PPP1R3A: variants seen among roughly 807,000 people sequenced by gnomAD.
PPP1R3A encodes the protein RG1.
In PPP1R3A, 29 loss-of-function variants were observed where a neutral mutation model predicts 41.7. The ratio of observed to expected loss-of-function variants is 0.70; its 90% CI spans 0.52 to 0.95. The LOEUF is 0.95. Ranked by LOEUF, PPP1R3A falls within the 40% of genes least tolerant of loss-of-function variation. The probability of loss-of-function intolerance (pLI) is 0.00; values close to 1 mark genes in which losing one functional copy is unlikely to be tolerated. For synonymous variants in PPP1R3A, 485 were observed against 453.4 expected, an observed-to-expected ratio of 1.07 and a Z score of -0.89; for missense variants, 1,352 against 1,292.4, an observed-to-expected ratio of 1.05 and a Z score of -0.71.
chr7:113,901,189 G>A (rs1293741820), intron 1 of PPP1R3A, among the ~76,000 whole-genome samples: 2 of 151,662 alleles, frequency 1.3e-5, no homozygotes, highest in African/African-American at 4.8e-5. Context: ...CCCTCACTGT[G>A]GGTAGTGACT....
At chr7:113,897,000 C>G (rs1023479097) in intron 1 of PPP1R3A, among the ~76,000 whole-genome samples, 1 of 151,804 alleles carries the variant, frequency 6.6e-6, no homozygotes, top group African/African-American at 2.4e-5. Context: ...TTTTTTGAAG[C>G]CTATTCACAT....
chr7:113,913,473 A>G (rs1185641425), intron 1 of PPP1R3A, among the ~76,000 whole-genome samples: 1 of 152,086 alleles, frequency 6.6e-6, no homozygotes, highest in East Asian at 1.9e-4. Flanking sequence ...TTTTTCCTAC[A>G]GTACAAAAAT....
chr7:113,911,167 T>A (rs1334086542), intron 1 of PPP1R3A, among the ~76,000 whole-genome samples: 1 of 152,102 alleles, frequency 6.6e-6, no homozygotes, highest in Non-Finnish European at 1.5e-5. Context: ...CAGTTAAATT[T>A]AGCAAATTCC....
At chr7:113,912,661 G>A (rs1194669472) in intron 1 of PPP1R3A, among the ~76,000 whole-genome samples, 1 of 152,052 alleles carries the variant, frequency 6.6e-6, no homozygotes, top group Non-Finnish European at 1.5e-5. Flanking sequence ...GAAAAACTAA[G>A]TTGACCCACT....
At chr7:113,880,625 G>C (rs1277444458) in intron 3 of PPP1R3A, among the ~76,000 whole-genome samples, 4 of 151,758 alleles carry the variant, frequency 2.6e-5, no homozygotes, top group Non-Finnish European at 5.9e-5. Context: ...TGCAAATTCT[G>C]TTTTAATGAC....
intron 1 of PPP1R3A, among the ~76,000 whole-genome samples, chr7:113,887,815 G>A (rs1180601220): frequency 6.6e-6 from 1 of 152,080 alleles, no homozygotes; most frequent in Non-Finnish European, 1.5e-5. Context: ...TGGATCATGA[G>A]GTCAGGAGTT....
chr7:113,885,463 T>C (rs749356496), intron 1 of PPP1R3A, among the ~76,000 whole-genome samples: 1 of 152,096 alleles, frequency 6.6e-6, no homozygotes, highest in Non-Finnish European at 1.5e-5. Context: ...GACCACTACT[T>C]CCATTCCCAG....
chr7:113,894,555 T>A (rs1796947882), intron 1 of PPP1R3A, among the ~76,000 whole-genome samples: 1 of 151,952 alleles, frequency 6.6e-6, no homozygotes, highest in Non-Finnish European at 1.5e-5. Flanking sequence ...CACAATTTCC[T>A]CACAACGTAA....
In PPP1R3A at chr7:113,878,705, ATT is replaced by A. The variant is rs1185466850; in HGVS notation, c.2385_2386del (p.Ile796LeufsTer2). The A allele has an allele frequency of 1.9e-6, 3 of 1,613,396 alleles. No individual in the cohort carries two copies. Among genetic ancestry groups the A allele is most frequent in the Non-Finnish European group, 2.5e-6 (3 of 1,179,688 alleles). ...TTCCTTTTCAAAATCATTGTCATAGATTACACCTACTGTATCTCGTTGACAAA... is the reference window on the plus strand; with the variant it reads ...TTCCTTTTCAAAATCATTGTCATAGAACACCTACTGTATCTCGTTGACAAA... On this transcript the variant is annotated frameshift_variant, in exon 4 of 4. Coordinates refer to ENST00000284601, the MANE Select transcript of PPP1R3A (RefSeq NM_002711.4). LOFTEE classifies it low-confidence loss of function (END_TRUNC).
At chr7:113,917,810 T>C (rs1228004601) in intron 1 of PPP1R3A, among the ~76,000 whole-genome samples, 1 of 152,122 alleles carries the variant, frequency 6.6e-6, no homozygotes, top group Non-Finnish European at 1.5e-5. Flanking sequence ...TATTGAAATA[T>C]AGTTTTATGT....
intron 1 of PPP1R3A, among the ~76,000 whole-genome samples, chr7:113,908,601 G>A (rs534443819): frequency 6.6e-6 from 1 of 151,906 alleles, no homozygotes; most frequent in East Asian, 1.9e-4. Flanking sequence ...TAAAACAAAA[G>A]GATACAATGT....
chr7:113,880,167 C>A (rs756892702), intron 3 of PPP1R3A, 42 bp from the exon 4 acceptor site: 2 of 1,509,646 alleles, frequency 1.3e-6, no homozygotes, highest in African/African-American at 2.8e-5. Flanking sequence ...ACCATAAGAT[C>A]TTTTAAAATA....
rs373483153 is a variant in PPP1R3A at position 113,878,313 on chromosome 7, T to C, written c.2779A>G (p.Thr927Ala). Reference protein sequence around the residue: ...SKHHTEISVSTNEQAIAVENA... With the variant: ...SKHHTEISVSANEQAIAVENA... ...TCTACAGCAATTGCCTGCTCATTAGTTGACACTGAAATTTCAGTATGATGT... is the reference window on the plus strand; with the variant it reads ...TCTACAGCAATTGCCTGCTCATTAGCTGACACTGAAATTTCAGTATGATGT... Residue 927 changes from threonine (T) to alanine (A), a missense_variant, in exon 4 of 4, where the codon ACT becomes GCT. Thr to Ala is a moderately conservative substitution (Grantham distance 58). Coordinates refer to ENST00000284601, the MANE Select transcript of PPP1R3A (RefSeq NM_002711.4). 63 of 1,613,224 alleles carry C rather than the reference T, an allele frequency of 3.9e-5. 1 individual carries two copies. The highest frequency in any genetic ancestry group is 3.7e-4 in the African/African-American group (28 of 75,010).
At chr7:113,898,292 C>G (rs1327326570) in intron 1 of PPP1R3A, among the ~76,000 whole-genome samples, 1 of 151,678 alleles carries the variant, frequency 6.6e-6, no homozygotes, top group Non-Finnish European at 1.5e-5. Flanking sequence ...GCATGGAGTT[C>G]TATAGAAGAA....
chr7:113,896,068 G>A (rs7812007), intron 1 of PPP1R3A, among the ~76,000 whole-genome samples: 1 of 151,830 alleles, frequency 6.6e-6, no homozygotes, highest in African/African-American at 2.4e-5. Flanking sequence ...CCATAATGAC[G>A]CCTCCAGGGA....
chr7:113,879,722 G>C lies in PPP1R3A; in HGVS notation c.1370C>G (p.Ser457Cys). 6.2e-7 allele frequency: 1 copy of C among 1,613,168 alleles called. No homozygotes were observed. The highest frequency in any genetic ancestry group is 8.5e-7 in the Non-Finnish European group (1 of 1,179,670). The change falls in exon 4 of 4, where the codon TCT becomes TGT. Residue 457 changes from serine (S) to cysteine (C), a missense_variant. By Grantham distance (112) the Ser-to-Cys change is moderately radical. Transcript: ENST00000284601. ...GNGTVQIPCP[S>C]SDQLMAGNLN... ...GTTTCCTGCCATTAGTTGATCTGAA[G>C]AGGGGCAAGGTATTTGCACTGTGCC...
In PPP1R3A at chr7:113,878,234, A is replaced by G; in HGVS notation, c.2858T>C (p.Ile953Thr). The change falls in exon 4 of 4, where the codon ATT becomes ACT. Residue 953 changes from isoleucine to threonine, a missense_variant. Ile to Thr is a moderately conservative substitution (Grantham distance 89). Coordinates refer to ENST00000284601, the MANE Select transcript of PPP1R3A (RefSeq NM_002711.4). The stretch of plus-strand genomic sequence containing the variant: ...CTGGATTTCTCTTGTTGAATTACAA[A>G]TATTTTCTGATTTCGTAGAAATAGG... ...SQPISTKSEN[I>T]CNSTREIQGI... 1 of 1,613,156 alleles carries G rather than the reference A, an allele frequency of 6.2e-7. No individual in the cohort carries two copies. Among genetic ancestry groups the G allele is most frequent in the Non-Finnish European group, 8.5e-7 (1 of 1,179,574 alleles).
intron 1 of PPP1R3A, among the ~76,000 whole-genome samples, chr7:113,904,547 T>C (rs1247434497): frequency 6.6e-6 from 1 of 151,724 alleles, no homozygotes; most frequent in Non-Finnish European, 1.5e-5. Context: ...ATACATGAGA[T>C]GAGATTCTTA....
intron 3 of PPP1R3A, 102 bp downstream of exon 3, chr7:113,881,937 G>T: frequency 1.4e-6 from 2 of 1,403,490 alleles, no homozygotes; most frequent in African/African-American, 1.4e-5. Flanking sequence ...TTTCACATTT[G>T]CAAATTATAT....
Sources: allele counts gnomAD v4.1 joint callset (sites outside exome capture counted in the v4.1 genomes callset), GRCh38; gene constraint gnomAD v4.1.1; transcripts MANE v1.5; gene names NCBI Gene and HGNC (gene_info 2026-07-23, HGNC 2026-07-21).